Variants in CFAP299 observed in about 807,000 individuals in gnomAD.
CFAP299 encodes cilia and flagella associated protein 299.
Under a neutral mutation model 27.0 loss-of-function variants are expected in CFAP299, and 21 were observed. That is an observed-to-expected ratio of 0.78 (90% CI 0.55 to 1.12). The LOEUF (loss-of-function observed/expected upper bound fraction) is 1.12, where lower values mean the gene tolerates loss of function less well. Ranked by LOEUF, CFAP299 falls within the 50% of genes most tolerant of loss-of-function variation. CFAP299 has a pLI of 0.00. For synonymous variants in CFAP299, 104 were observed against 98.1 expected (o/e 1.06, Z -0.36); for missense variants, 310 against 276.6 (o/e 1.12, Z -0.86).
At chr4:80,915,067 TAA>T (rs1215270642) in intron 4 of CFAP299, among the ~76,000 whole-genome samples, 1 of 152,022 alleles carries the variant, frequency 6.6e-6, no homozygotes, top group Non-Finnish European at 1.5e-5. Flanking sequence ...CGTTTTCCCC[TAA>T]GCACTGCTTT....
intron 2 of CFAP299, among the ~76,000 whole-genome samples, chr4:80,389,194 A>G (rs897505508): frequency 9.2e-5 from 14 of 152,298 alleles, no homozygotes; most frequent in African/African-American, 2.9e-4. Flanking sequence ...ATTGGGTTAG[A>G]TAATAATTTA....
chr4:80,751,939 C>T (rs566251156), intron 3 of CFAP299, among the ~76,000 whole-genome samples: 2 of 152,076 alleles, frequency 1.3e-5, no homozygotes, highest in Non-Finnish European at 2.9e-5. Context: ...TGCCAGGGAT[C>T]CTGGGGCCAG....
At chr4:80,615,650 A>T (rs1738231278) in intron 3 of CFAP299, among the ~76,000 whole-genome samples, 1 of 151,638 alleles carries the variant, frequency 6.6e-6, no homozygotes, top group Non-Finnish European at 1.5e-5. Context: ...ATCCTCCTTT[A>T]CTCAGCCTTC....
intron 3 of CFAP299, among the ~76,000 whole-genome samples, chr4:80,779,232 C>T (rs1413867175): frequency 6.6e-5 from 10 of 152,094 alleles, no homozygotes; most frequent in Admixed American, 5.9e-4. Flanking sequence ...ATGCTGCACT[C>T]TCTGACAAAT....
At chr4:80,837,487 C>T (rs1384910018) in intron 3 of CFAP299, among the ~76,000 whole-genome samples, 2 of 152,110 alleles carry the variant, frequency 1.3e-5, no homozygotes, top group South Asian at 2.1e-4. Context: ...TCCCTGTGTC[C>T]ATGTGTTCCC....
chr4:80,683,780 G>A (rs781139423), intron 3 of CFAP299, among the ~76,000 whole-genome samples: 5 of 152,066 alleles, frequency 3.3e-5, no homozygotes, highest in Non-Finnish European at 5.9e-5. Context: ...ATATAACAAC[G>A]TTTATGAAAT....
chr4:80,948,023 T>C (rs1026841336), intron 5 of CFAP299, among the ~76,000 whole-genome samples: 2 of 152,144 alleles, frequency 1.3e-5, no homozygotes, highest in African/African-American at 2.4e-5. Context: ...ATAACTCCAG[T>C]AGTTAAAGAG....
At chr4:80,883,382 A>G (rs1329519439) in intron 4 of CFAP299, among the ~76,000 whole-genome samples, 1 of 152,134 alleles carries the variant, frequency 6.6e-6, no homozygotes, top group Non-Finnish European at 1.5e-5. Context: ...GAAAGGAACA[A>G]AGAAACTACA....
At chr4:80,894,378 T>C (rs1271008569) in intron 4 of CFAP299, among the ~76,000 whole-genome samples, 1 of 151,994 alleles carries the variant, frequency 6.6e-6, no homozygotes, top group East Asian at 1.9e-4. Context: ...TGTCTACAAT[T>C]AAGGATCCTA....
At chr4:80,730,672 G>T (rs986821854) in intron 3 of CFAP299, among the ~76,000 whole-genome samples, 1 of 152,134 alleles carries the variant, frequency 6.6e-6, no homozygotes, top group East Asian at 1.9e-4. Flanking sequence ...TGAGACAAAG[G>T]TAACCTAGGT....
chr4:80,572,489 G>A (rs999157187), intron 2 of CFAP299, among the ~76,000 whole-genome samples: 20 of 116,266 alleles, frequency 1.7e-4, no homozygotes, highest in Non-Finnish European at 3.3e-4. Flanking sequence ...GTATGTTGTT[G>A]CACATGACTG....
At chr4:80,675,209 T>G (rs749622194) in intron 3 of CFAP299, among the ~76,000 whole-genome samples, 8 of 152,184 alleles carry the variant, frequency 5.3e-5, no homozygotes, top group Non-Finnish European at 8.8e-5. Flanking sequence ...GGGGTTTTGG[T>G]GTGGATGTCC....
At chr4:80,679,831 A>G (rs138288092) in intron 3 of CFAP299, among the ~76,000 whole-genome samples, 148 of 151,370 alleles carry the variant, frequency 9.8e-4, no homozygotes, top group African/African-American at 3.5e-3. Context: ...GTTTTCATAC[A>G]TTGCATTTTC....
intron 3 of CFAP299, among the ~76,000 whole-genome samples, chr4:80,776,868 C>G (rs1188241678): frequency 6.7e-6 from 1 of 150,202 alleles, no homozygotes; most frequent in Admixed American, 6.6e-5. Flanking sequence ...TTCTACCTCT[C>G]TAACCTAAAA....
chr4:80,669,923 A>G (rs1267034862), intron 3 of CFAP299, among the ~76,000 whole-genome samples: 4 of 151,552 alleles, frequency 2.6e-5, no homozygotes, highest in Non-Finnish European at 5.9e-5. Flanking sequence ...TCTTGCTAGC[A>G]GTCTGTCGAT....
At chr4:80,662,542 G>C (rs561403263) in intron 3 of CFAP299, among the ~76,000 whole-genome samples, 2 of 152,262 alleles carry the variant, frequency 1.3e-5, no homozygotes, top group Admixed American at 6.5e-5. Context: ...GAATACAGCA[G>C]TGGAGGGTTA....
chr4:80,325,139 C>T, the CFAP299 span, among the ~76,000 whole-genome samples: 6 of 152,128 alleles, frequency 3.9e-5, no homozygotes, highest in Non-Finnish European at 7.4e-5. Flanking sequence ...AACAAATAAT[C>T]AGAAAAATAA....
At chr4:80,665,218 A>G (rs924616852) in intron 3 of CFAP299, among the ~76,000 whole-genome samples, 2 of 152,312 alleles carry the variant, frequency 1.3e-5, no homozygotes, top group African/African-American at 4.8e-5. Flanking sequence ...TATTTTCTGT[A>G]TATTTTGGAA....
At chr4:80,857,860 A>G (rs1415156251) in intron 3 of CFAP299, among the ~76,000 whole-genome samples, 1 of 152,140 alleles carries the variant, frequency 6.6e-6, no homozygotes, top group Admixed American at 6.6e-5. Flanking sequence ...TATTGGTCTA[A>G]AATTCTCTTT....
Sources: allele counts gnomAD v4.1 joint callset (sites outside exome capture counted in the v4.1 genomes callset), GRCh38; gene constraint gnomAD v4.1.1; transcripts MANE v1.5; gene names NCBI Gene and HGNC (gene_info 2026-07-23, HGNC 2026-07-21).